The following DCHS2 variants were observed in gnomAD, a reference collection of about 807,000 sequenced individuals.
The protein encoded by DCHS2 is dachsous cadherin-related 2, also known as protocadherin-23.
Under a neutral mutation model 182.4 loss-of-function variants are expected in DCHS2, and 142 were observed. The observed-to-expected ratio is 0.78, with a 90% CI of 0.68 to 0.89. DCHS2 has a LOEUF of 0.89. Ranked by LOEUF, DCHS2 falls within the 40% of genes least tolerant of loss-of-function variation. The pLI, the probability that DCHS2 is intolerant of heterozygous loss-of-function variation, is 0.00. For missense variants in DCHS2, 4,319 were observed against 4,198.6 expected, an observed-to-expected ratio of 1.03 and a Z score of -0.79; for synonymous variants, 1,740 against 1,663.3, an observed-to-expected ratio of 1.05 and a Z score of -1.12.
At chr4:154,414,190 T>TAGAG (rs10660883) in intron 1 of DCHS2, among the ~76,000 whole-genome samples, 189 of 138,060 alleles carry the variant, frequency 1.4e-3, no homozygotes, top group African/African-American at 5.7e-3. Flanking sequence ...TATATATATA[T>TAGAG]ATATATAGAG....
intron 1 of DCHS2, among the ~76,000 whole-genome samples, chr4:154,398,527 A>G (rs1732027891): frequency 6.6e-6 from 1 of 152,174 alleles, no homozygotes; most frequent in African/African-American, 2.4e-5. Flanking sequence ...CCACACCTCA[A>G]CACATCATTG....
intron 1 of DCHS2, among the ~76,000 whole-genome samples, chr4:154,460,551 A>G (rs1255264800): frequency 6.6e-6 from 1 of 152,162 alleles, no homozygotes; most frequent in African/African-American, 2.4e-5. Context: ...AACTTTAGCA[A>G]TGTTATTACT....
At chr4:154,331,700 T>C (rs1736536209) in intron 5 of DCHS2, 1 of 1,613,044 alleles carries the variant, frequency 6.2e-7, no homozygotes, top group African/African-American at 1.3e-5. Flanking sequence ...ATGACATAGA[T>C]GGTGCCTGCT....
At chr4:154,259,477 C>G in intron 15 of DCHS2, 68 bp downstream of exon 15, 2 of 1,564,192 alleles carry the variant, frequency 1.3e-6, no homozygotes, top group Non-Finnish European at 1.7e-6. Context: ...ATAATTCTCT[C>G]TCTCTCTCTC....
intron 13 of DCHS2, among the ~76,000 whole-genome samples, chr4:154,297,450 T>A (rs895183328): frequency 1.3e-5 from 2 of 152,224 alleles, no homozygotes; most frequent in Non-Finnish European, 2.9e-5. Context: ...ATAAAGGAAT[T>A]TTCAGAGTAA....
intron 4 of DCHS2, 24 bp from the exon 5 acceptor site, chr4:154,333,518 C>T: frequency 6.3e-7 from 1 of 1,580,752 alleles, no homozygotes; most frequent in Non-Finnish European, 8.6e-7. Context: ...AGGGGACAAC[C>T]ACTGTATGTC....
intron 1 of DCHS2, among the ~76,000 whole-genome samples, chr4:154,447,532 G>A (rs1057172278): frequency 2.0e-5 from 3 of 152,052 alleles, no homozygotes; most frequent in African/African-American, 7.2e-5. Context: ...TATCTTTAGG[G>A]TTTTTGATAT....
chr4:154,351,099 A>G (rs1729589309), intron 3 of DCHS2, among the ~76,000 whole-genome samples: 1 of 152,176 alleles, frequency 6.6e-6, no homozygotes, highest in African/African-American at 2.4e-5. Context: ...GGCATTTGTG[A>G]CGGATTTGTC....
intron 3 of DCHS2, chr4:154,355,522 CTG>C (rs1383543345): frequency 1.3e-5 from 2 of 152,198 alleles, no homozygotes; most frequent in African/African-American, 2.4e-5. Context: ...ACCCTCAGGG[CTG>C]CTCTGCCTAT....
intron 3 of DCHS2, among the ~76,000 whole-genome samples, chr4:154,353,538 C>A (rs566447861): frequency 6.6e-6 from 1 of 152,304 alleles, no homozygotes; most frequent in East Asian, 1.9e-4. Flanking sequence ...GAAGTCATCT[C>A]CACCCTCATT....
At chr4:154,323,868 C>A (rs1181630309) in intron 7 of DCHS2, among the ~76,000 whole-genome samples, 4 of 139,348 alleles carry the variant, frequency 2.9e-5, no homozygotes, top group Non-Finnish European at 4.9e-5. Context: ...CCAAAAAAAA[C>A]CCACCAAAAA....
intron 1 of DCHS2, among the ~76,000 whole-genome samples, chr4:154,461,718 C>CT (rs1432620186): frequency 1.3e-5 from 2 of 151,848 alleles, no homozygotes; most frequent in African/African-American, 4.8e-5. Context: ...AAGATGTTGC[C>CT]TTTTTTTTCC....
At chr4:154,393,241 C>T (rs1731785072) in intron 1 of DCHS2, among the ~76,000 whole-genome samples, 1 of 152,130 alleles carries the variant, frequency 6.6e-6, no homozygotes, top group South Asian at 2.1e-4. Flanking sequence ...AAACATGCCA[C>T]TAAAATGAAT....
At chr4:154,302,020 A>G (rs535281723) in intron 12 of DCHS2, among the ~76,000 whole-genome samples, 93 of 152,352 alleles carry the variant, frequency 6.1e-4, no homozygotes, top group African/African-American at 2.1e-3. Flanking sequence ...CCTTATGTTC[A>G]TTGGAAATTT....
chr4:154,368,797 C>A (rs1203180280), intron 2 of DCHS2, among the ~76,000 whole-genome samples: 1 of 152,104 alleles, frequency 6.6e-6, no homozygotes, highest in Non-Finnish European at 1.5e-5. Flanking sequence ...CCATGCCTGG[C>A]CAACAATACA....
intron 1 of DCHS2, among the ~76,000 whole-genome samples, chr4:154,457,533 A>G (rs1330018836): frequency 3.9e-5 from 6 of 152,216 alleles, no homozygotes; most frequent in Admixed American, 3.9e-4. Context: ...CTTTAGAGCT[A>G]CTATTGGCTC....
intron 1 of DCHS2, among the ~76,000 whole-genome samples, chr4:154,421,358 ACCCTTCTC>A (rs1733101785): frequency 7.1e-6 from 1 of 141,586 alleles, no homozygotes; most frequent in East Asian, 2.2e-4. Flanking sequence ...TCTTTATTAG[ACCCTTCTC>A]ATCTGTGTTA....
chr4:154,433,341 G>C (rs1005409105), intron 1 of DCHS2, among the ~76,000 whole-genome samples: 1 of 151,116 alleles, frequency 6.6e-6, no homozygotes, highest in Non-Finnish European at 1.5e-5. Context: ...CATTCATTTC[G>C]GACTTCTCAT....
chr4:154,402,763 G>GC lies in DCHS2; in HGVS notation c.2053-25320_2053-25319insG, dbSNP rs1289185416. Among the ~76,000 whole-genome samples the GC allele has an allele frequency of 1.3e-5, 2 of 152,156 alleles. 1 individual carries two copies. Among genetic ancestry groups the GC allele is most frequent in the Non-Finnish European group, 2.9e-5 (2 of 68,024 alleles). ...GGCGTGCTTTGTTTTGAAATGTGGG[G>GC]ACATGAGATTTGGGGTGGGGACACA... On this transcript the variant is annotated intron_variant, in intron 1 of 19. Transcript: ENST00000357232.
Sources: gnomAD v4.1 joint callset for allele counts (sites outside exome capture counted in the v4.1 genomes callset) on GRCh38, gnomAD v4.1.1 for gene constraint, MANE v1.5 for transcripts, NCBI Gene and HGNC (gene_info 2026-07-23, HGNC 2026-07-21) for gene names.